The following PIN4 variants were observed in gnomAD, a reference collection of about 807,000 sequenced individuals.
PIN4 encodes peptidylprolyl cis/trans isomerase, NIMA-interacting 4, also known as peptidyl-prolyl cis-trans isomerase NIMA-interacting 4.
A neutral mutation model predicts 8.3 loss-of-function variants in PIN4; 3 were observed. The ratio of observed to expected loss-of-function variants is 0.36; its 90% CI spans 0.16 to 0.93. PIN4 has a LOEUF of 0.93. Among genes scored for constraint, PIN4 ranks in the 40% least tolerant of loss-of-function variants. The probability of loss-of-function intolerance (pLI) is 0.44; values close to 1 mark genes in which losing one functional copy is unlikely to be tolerated. For missense variants in PIN4, 75 were observed against 100.6 expected (o/e 0.75, Z 1.09); for synonymous variants, 18 against 32.5 (o/e 0.55, Z 1.52).
chrX:72,218,759 G>A (rs1285219536), intron 3 of PIN4, among the ~76,000 whole-genome samples: 1 of 111,615 alleles, frequency 9.0e-6, no homozygotes, highest in Non-Finnish European at 1.9e-5. Context: ...TCTTAGATGT[G>A]GCATTAGAAT....
intron 3 of PIN4, among the ~76,000 whole-genome samples, chrX:72,253,156 C>A (rs1045659120): frequency 9.8e-5 from 11 of 111,771 alleles, no homozygotes; most frequent in African/African-American, 3.6e-4. Context: ...AACATCATCT[C>A]TTTCCCTCAT....
chrX:72,255,070 T>G (rs1602462278), intron 3 of PIN4, among the ~76,000 whole-genome samples: 8 of 88,423 alleles, frequency 9.0e-5, no homozygotes, highest in African/African-American at 2.6e-4. Flanking sequence ...GTGGGAGGAG[T>G]CGGGGTGGCG....
intron 3 of PIN4, among the ~76,000 whole-genome samples, chrX:72,244,003 A>G (rs1302735029): frequency 8.9e-6 from 1 of 112,405 alleles, no homozygotes; most frequent in Non-Finnish European, 1.9e-5. Flanking sequence ...ACATGATGCT[A>G]GTTAGATATA....
downstream of PIN4, among the ~76,000 whole-genome samples, chrX:72,199,537 CAATAA>C (rs1232940693): frequency 2.7e-5 from 3 of 111,115 alleles, no homozygotes; most frequent in African/African-American, 9.8e-5. Flanking sequence ...GACTCCATCT[CAATAA>C]AATAAAATAA....
At chrX:72,189,719 C>A (rs1477276433) in intron 2 of PIN4, among the ~76,000 whole-genome samples, 1 of 111,460 alleles carries the variant, frequency 9.0e-6, no homozygotes, top group Non-Finnish European at 1.9e-5. Context: ...AAGTTTAATG[C>A]AAATATTCCC....
At position 72,263,020 on chromosome X, in the gene PIN4, C is replaced by T. The variant is rs959436280; in HGVS notation, c.*224C>T. 4 of 325,229 alleles carry T rather than the reference C, an allele frequency of 1.2e-5. No homozygotes were observed. The East Asian group carries it at 1.6e-4, about 13-fold the overall frequency. The allele number at this position is 325,229 out of a possible 1,213,427, so 26.8% of individuals were successfully genotyped here. ...GTTTGTAGGGGAACTGCTGGATGTA[C>T]CTCATTAATTTGTTCATTTGTTCAG... On this transcript the variant is annotated 3_prime_UTR_variant, in exon 4 of 4. Coordinates refer to the PIN4 transcript ENST00000423432.
chrX:72,229,711 C>G (rs921069062), intron 3 of PIN4, among the ~76,000 whole-genome samples: 2 of 111,442 alleles, frequency 1.8e-5, no homozygotes, highest in Non-Finnish European at 3.8e-5. Flanking sequence ...CGACCTTTGC[C>G]CATCCCACCC....
At chrX:72,212,679 G>A (rs1329165116) in intron 3 of PIN4, among the ~76,000 whole-genome samples, 8 of 112,307 alleles carry the variant, frequency 7.1e-5, no homozygotes, top group African/African-American at 2.6e-4. Context: ...GGTGGCTTGA[G>A]CCTCTAATCC....
chrX:72,232,267 G>A (rs5912146), intron 3 of PIN4, among the ~76,000 whole-genome samples: 2,422 of 78,995 alleles, frequency 0.031, 52 homozygotes, highest in South Asian at 0.057. Context: ...CCCAAGGAAG[G>A]AGTATTAAAA....
chrX:72,215,956 C>T (rs1353963224), intron 3 of PIN4, among the ~76,000 whole-genome samples: 1 of 110,535 alleles, frequency 9.0e-6, no homozygotes, highest in Non-Finnish European at 1.9e-5. Context: ...AAAATGTTGG[C>T]ATTTCTGGGG....
intron 3 of PIN4, chrX:72,238,922 T>C: frequency 2.5e-6 from 3 of 1,186,233 alleles, no homozygotes; most frequent in Non-Finnish European, 2.3e-6. Flanking sequence ...GACCCTCGGA[T>C]TGGGTTCCAG....
chrX:72,195,953 T>C (rs1351950513), intron 2 of PIN4, among the ~76,000 whole-genome samples: 2 of 108,862 alleles, frequency 1.8e-5, no homozygotes, highest in Non-Finnish European at 3.8e-5. Flanking sequence ...ACACCATCTC[T>C]ACTAAAAATA....
rs781056886 is a variant in PIN4, at chrX:72,181,889, G to C, written c.43+61G>C. 27 of 696,427 alleles carry C rather than the reference G, an allele frequency of 3.9e-5. No individual in the cohort carries two copies. In the East Asian group the frequency reaches 8.3e-4, roughly 21 times the overall value. The allele number at this position is 696,427 out of a possible 1,213,427, so 57.4% of individuals were successfully genotyped here. A position where few individuals can be genotyped will look rare whatever the true frequency, so the allele number is the denominator to read the frequency against. ...GGGTGAGGAGCGAAGGGAGGGAACA[G>C]ACAGTCCATCTCCGGAGTCCGGGAC... is the stretch of plus-strand genomic sequence containing the variant. On this transcript the variant is annotated intron_variant, in intron 1 of 3. Coordinates refer to ENST00000373669, the MANE Select transcript of PIN4 (RefSeq NM_006223.4).
chrX:72,259,253 T>C (rs1485643360), intron 3 of PIN4, among the ~76,000 whole-genome samples: 1 of 105,159 alleles, frequency 9.5e-6, no homozygotes, highest in African/African-American at 3.5e-5. Context: ...AGTTTCGCTC[T>C]TGTTGCCCAG....
In PIN4 at chrX:72,197,369, G is replaced by A. The variant is rs1354853451; in HGVS notation, c.239G>A (p.Gly80Asp). ...QYSEDKARQG[G>D]DLGWMTRGSM... ...TCACTTATCTTTTGGGTTTTTCAGG[G>A]TGACTTGGGTTGGATGACCAGAGGG... The change falls in exon 4 of 4, where the codon GGT becomes GAT. Residue 80 changes from glycine (G) to aspartate (D), a missense_variant and splice_region_variant. Transcript: ENST00000373669. The A allele has an allele frequency of 8.3e-7, 1 of 1,200,324 alleles. No individual in the cohort carries two copies. The highest frequency in any genetic ancestry group is 1.1e-6 in the Non-Finnish European group (1 of 889,601).
chrX:72,184,938 C>T (rs1317412096), intron 1 of PIN4, among the ~76,000 whole-genome samples: 2 of 108,600 alleles, frequency 1.8e-5, no homozygotes, highest in African/African-American at 6.7e-5. Context: ...GTCAGGAGAT[C>T]GAGACCATCC....
intron 2 of PIN4, among the ~76,000 whole-genome samples, chrX:72,192,221 G>A (rs1281882813): frequency 6.3e-5 from 7 of 111,478 alleles, no homozygotes; most frequent in African/African-American, 2.0e-4. Context: ...CCAAAGTGCT[G>A]GGATTACAGG....
At chrX:72,192,876 G>A (rs1461277406) in intron 2 of PIN4, among the ~76,000 whole-genome samples, 2 of 111,954 alleles carry the variant, frequency 1.8e-5, no homozygotes, top group Non-Finnish European at 3.8e-5. Flanking sequence ...GGGGTTATAG[G>A]TGTGAGCCAC....
chrX:72,183,221 C>G (rs2042682664), intron 1 of PIN4, among the ~76,000 whole-genome samples: 2 of 111,314 alleles, frequency 1.8e-5, no homozygotes, highest in Non-Finnish European at 3.8e-5. Flanking sequence ...GATGAATTCA[C>G]TTTCAGATAG....
Sources: allele counts gnomAD v4.1 joint callset (sites outside exome capture counted in the v4.1 genomes callset), GRCh38; gene constraint gnomAD v4.1.1; transcripts MANE v1.5; gene names NCBI Gene and HGNC (gene_info 2026-07-23, HGNC 2026-07-21).